The following JAKMIP1 variants were observed in gnomAD, a reference collection of about 807,000 sequenced individuals.
The protein encoded by JAKMIP1 is janus kinase and microtubule-interacting protein 1.
Under a neutral mutation model 113.0 loss-of-function variants are expected in JAKMIP1, and 33 were observed. The observed-to-expected ratio is 0.29, with a 90% confidence interval of 0.22 to 0.39. JAKMIP1 has a LOEUF of 0.39. Ranked by LOEUF, JAKMIP1 falls within the 10% of genes least tolerant of loss-of-function variation. The probability of loss-of-function intolerance (pLI) is 1.00; values close to 1 mark genes in which losing one functional copy is unlikely to be tolerated. For synonymous variants in JAKMIP1, 480 were observed against 459.9 expected, an observed-to-expected ratio of 1.04 and a Z score of -0.56; for missense variants, 813 against 1,080.5, an observed-to-expected ratio of 0.75 and a Z score of 3.47.
At chr4:6,169,418 G>GCT (rs111845961) in intron 1 of JAKMIP1, among the ~76,000 whole-genome samples, 41,831 of 151,840 alleles carry the variant, frequency 0.28, 5,788 homozygotes, top group Middle Eastern at 0.32. Context: ...AAACCAAGGA[G>GCT]CCAAGGACAG....
chr4:6,109,281 C>T (rs1370711593), intron 2 of JAKMIP1, among the ~76,000 whole-genome samples: 2 of 151,888 alleles, frequency 1.3e-5, no homozygotes, highest in Non-Finnish European at 1.5e-5. Flanking sequence ...TACAGGCACC[C>T]GCCACTGCGC....
rs1720315971 is a variant in JAKMIP1 at position 6,142,562 on chromosome 4, T to C, written c.-147-29565A>G. ...TTTTTAAGCTACCATATCACAATAA[T>C]CAGAATTCCAACCCTAAATCCTTAA... On this transcript the variant is annotated intron_variant, in intron 1 of 20. Coordinates refer to ENST00000409021, the MANE Select transcript of JAKMIP1 (RefSeq NM_001099433.2). The surrounding 1 kb of genome is among the most constrained non-coding windows in gnomAD (Gnocchi z 5.5). Among the ~76,000 whole-genome samples, 1 of 152,224 alleles carries C rather than the reference T, an allele frequency of 6.6e-6. No homozygotes were observed. The highest frequency in any genetic ancestry group is 6.5e-5 in the Admixed American group (1 of 15,286).
At chr4:6,165,015 T>C (rs977298745) in intron 1 of JAKMIP1, among the ~76,000 whole-genome samples, 2 of 152,336 alleles carry the variant, frequency 1.3e-5, no homozygotes, top group African/African-American at 4.8e-5. Context: ...CCTGAGAGGA[T>C]TGACTCCAAT....
rs553358348 is a variant in JAKMIP1 at position 6,138,871 on chromosome 4, A to G, written c.-147-25874T>C. ...CCCCGGCAAAAGCGAATGCGCACAG[A>G]GCACTTTCAACAGAGCAAGGCCAGT... On this transcript the variant is annotated intron_variant, in intron 1 of 20. Coordinates refer to ENST00000409021, the MANE Select transcript of JAKMIP1 (RefSeq NM_001099433.2). This position sits in a 1 kb window ranked among gnomAD's most constrained non-coding sequence, Gnocchi z 6.0. Among the ~76,000 whole-genome samples, 1 of 152,288 alleles carries G rather than the reference A, an allele frequency of 6.6e-6. No homozygotes were observed. Among genetic ancestry groups the G allele is most frequent in the East Asian group, 1.9e-4 (1 of 5,184 alleles).
In JAKMIP1 at chr4:6,112,756, C is replaced by G. The variant is rs749428331; in HGVS notation, c.95G>C (p.Ser32Thr). 1 of 1,613,942 alleles carries G rather than the reference C, an allele frequency of 6.2e-7. No homozygotes were observed. The highest frequency in any genetic ancestry group is 1.3e-5 in the African/African-American group (1 of 74,952). The change falls in exon 2 of 21, where the codon AGC (serine) becomes ACC (threonine). Residue 32 changes from serine (S) to threonine (T), a missense_variant. Coordinates refer to ENST00000409021, the MANE Select transcript of JAKMIP1 (RefSeq NM_001099433.2). ...ANEELRAKLT[S>T]IQIEFQQEKS... ...TTCCTGCTGGAACTCGATCTGAATG[C>G]TGGTCAGCTTGGCCCGCAGCTCCTC...
At chr4:6,128,669 C>T (rs1718086021) in intron 1 of JAKMIP1, among the ~76,000 whole-genome samples, 1 of 152,208 alleles carries the variant, frequency 6.6e-6, no homozygotes, top group African/African-American at 2.4e-5. Flanking sequence ...GGCTCGCTCC[C>T]CACGTGCACT....
At position 6,199,877 on chromosome 4, in the gene JAKMIP1, C is replaced by T. The variant is rs1728260346; in HGVS notation, c.-148+376G>A. 6.6e-6 allele frequency among the ~76,000 whole-genome samples: 1 copy of T among 151,650 alleles called. No homozygotes were observed. Among genetic ancestry groups the T allele is most frequent in the African/African-American group, 2.4e-5 (1 of 41,428 alleles). ...CTCCGGCAGGCACCGGGTGGGTCCC[C>T]CTCCCGCTCCTTGGCTTGAGGGCGG... On this transcript the variant is annotated intron_variant, in intron 1 of 20. Transcript: ENST00000409021. The surrounding 1 kb of genome is among the most constrained non-coding windows in gnomAD (Gnocchi z 5.6).
Position 6,141,902 on chromosome 4 carries a change from G to GTC in JAKMIP1, c.-147-28907_-147-28906dup, listed in dbSNP as rs910163122. Among the ~76,000 whole-genome samples the GTC allele has an allele frequency of 1.3e-5, 2 of 152,068 alleles. No individual in the cohort carries two copies. Among genetic ancestry groups the GTC allele is most frequent in the African/African-American group, 2.4e-5 (1 of 41,408 alleles). ...CTTACGCTTCCTAAGGGCGTTAACC[G>GTC]TCTCTCTCTCATTTTAAAAATCAAG... On this transcript the variant is annotated intron_variant, in intron 1 of 20. Transcript: ENST00000409021. This position sits in a 1 kb window ranked among gnomAD's most constrained non-coding sequence, Gnocchi z 9.4.
chr4:6,139,896 T>C lies in JAKMIP1; in HGVS notation c.-147-26899A>G, dbSNP rs1230393465. ...GGGGCAGATTCCACGAGCCAAGGAA[T>C]ACCAAGGACTGCCACCAAAGCACAG... is the stretch of plus-strand genomic sequence containing the variant. On this transcript the variant is annotated intron_variant, in intron 1 of 20. Transcript: ENST00000409021. This position sits in a 1 kb window ranked among gnomAD's most constrained non-coding sequence, Gnocchi z 5.2. 6.6e-6 allele frequency among the ~76,000 whole-genome samples: 1 copy of C among 151,984 alleles called. No individual in the cohort carries two copies. The highest frequency in any genetic ancestry group is 6.6e-5 in the Admixed American group (1 of 15,254).
At chr4:6,152,466 T>C (rs2108986481) in intron 1 of JAKMIP1, among the ~76,000 whole-genome samples, 1 of 152,276 alleles carries the variant, frequency 6.6e-6, no homozygotes, top group African/African-American at 2.4e-5. Context: ...AGGCCTGGCA[T>C]TGGAAGAGTT....
intron 3 of JAKMIP1, among the ~76,000 whole-genome samples, chr4:6,087,264 C>G (rs115972611): frequency 6.6e-6 from 1 of 152,122 alleles, no homozygotes; most frequent in Non-Finnish European, 1.5e-5. Context: ...CCGCCCACCC[C>G]CCAACCCTGA....
chr4:6,190,704 T>A (rs1727162917), intron 1 of JAKMIP1, among the ~76,000 whole-genome samples: 1 of 151,874 alleles, frequency 6.6e-6, no homozygotes, highest in Admixed American at 6.6e-5. Context: ...CGCCTGCAAA[T>A]CTCAGGACAA....
At chr4:6,026,694 A>G (rs985907975) in intron 20 of JAKMIP1, among the ~76,000 whole-genome samples, 1 of 151,434 alleles carries the variant, frequency 6.6e-6, no homozygotes, top group Non-Finnish European at 1.5e-5. Context: ...ACCGAAGATC[A>G]GGGTAAATTC....
intron 5 of JAKMIP1, among the ~76,000 whole-genome samples, chr4:6,083,136 C>T (rs557633076): frequency 1.3e-5 from 2 of 152,250 alleles, no homozygotes; most frequent in East Asian, 3.9e-4. Flanking sequence ...GGCGCGGTGG[C>T]TCACGCCTGT....
At chr4:6,161,962 GA>G (rs2109004400) in intron 1 of JAKMIP1, among the ~76,000 whole-genome samples, 1 of 152,290 alleles carries the variant, frequency 6.6e-6, no homozygotes, top group East Asian at 1.9e-4. Flanking sequence ...TGGGTTCAAG[GA>G]ATAGGTGGGA....
Position 6,179,253 on chromosome 4 carries a change from A to T in JAKMIP1, c.-148+21000T>A, listed in dbSNP as rs1725746968. ...TCATCTCAAAGCCCCAGATTCACTA[A>T]CTCTAACCCCTAAATGACTGCTTAA... On this transcript the variant is annotated intron_variant, in intron 1 of 20. Transcript: ENST00000409021. The surrounding 1 kb of genome is among the most constrained non-coding windows in gnomAD (Gnocchi z 4.5). Among the ~76,000 whole-genome samples, 1 of 151,948 alleles carries T rather than the reference A, an allele frequency of 6.6e-6. No individual in the cohort carries two copies. The highest frequency in any genetic ancestry group is 1.5e-5 in the Non-Finnish European group (1 of 68,002).
chr4:6,103,265 T>C (rs1713387565), intron 3 of JAKMIP1, among the ~76,000 whole-genome samples: 2 of 152,220 alleles, frequency 1.3e-5, no homozygotes, highest in African/African-American at 4.8e-5. Flanking sequence ...TTAAGATGAC[T>C]GACCACGTTT....
chr4:6,097,514 A>G lies in JAKMIP1; in HGVS notation c.624+7959T>C, dbSNP rs1712019321. Among the ~76,000 whole-genome samples, 1 of 152,126 alleles carries G rather than the reference A, an allele frequency of 6.6e-6. No individual in the cohort carries two copies. The highest frequency in any genetic ancestry group is 2.4e-5 in the African/African-American group (1 of 41,428). On this transcript the variant is annotated intron_variant, in intron 3 of 20. Coordinates refer to ENST00000409021, the MANE Select transcript of JAKMIP1 (RefSeq NM_001099433.2). The surrounding 1 kb of genome is among the most constrained non-coding windows in gnomAD (Gnocchi z 4.3). ...TAAATACACTGCGTTGTACACCTGC[A>G]TTTTGACTGCGATCTGTCACAGGAG...
chr4:6,072,315 T>G (rs937068893), intron 8 of JAKMIP1, among the ~76,000 whole-genome samples: 1 of 152,200 alleles, frequency 6.6e-6, no homozygotes, highest in African/African-American at 2.4e-5. Context: ...TTCTTAACCT[T>G]AGTAAAATAA....
Sources: gnomAD v4.1 joint callset for allele counts (sites outside exome capture counted in the v4.1 genomes callset) on GRCh38, gnomAD v4.1.1 for gene constraint, Gnocchi (gnomAD v3.1) non-coding constraint, MANE v1.5 for transcripts, NCBI Gene and HGNC (gene_info 2026-07-23, HGNC 2026-07-21) for gene names.